The following C4orf50 variants were observed in gnomAD, a reference collection of about 807,000 sequenced individuals.
C4orf50 encodes the protein chromosome 4 open reading frame 50.
A neutral mutation model predicts 77.2 loss-of-function variants in C4orf50; 80 were observed. The observed-to-expected ratio is 1.04, with a 90% CI of 0.87 to 1.25. C4orf50 has a LOEUF of 1.25. C4orf50 is among the 50% of genes most tolerant of loss of function. C4orf50 has a pLI of 0.00. For synonymous variants in C4orf50, 532 were observed against 465.3 expected, an observed-to-expected ratio of 1.14 and a Z score of -1.84; for missense variants, 1,257 against 1,152.9, an observed-to-expected ratio of 1.09 and a Z score of -1.31.
At chr4:5,914,358 C>G (rs552521889) in intron 7 of C4orf50, among the ~76,000 whole-genome samples, 20 of 152,036 alleles carry the variant, frequency 1.3e-4, no homozygotes, top group Admixed American at 2.0e-4. Flanking sequence ...GCGCCTGCCA[C>G]CATGCCCAGC....
In C4orf50 at chr4:5,919,124, C is replaced by T. The variant is rs745590681; in HGVS notation, c.*2475-20936G>A. On this transcript the variant is annotated intron_variant, in intron 7 of 7. Transcript: ENST00000324058. The surrounding 1 kb of genome is among the most constrained non-coding windows in gnomAD (Gnocchi z 6.5). ...TCCCAGGTGGGACATTGCTAGTGAG[C>T]GGTAGCGGGGAATGCTGGGGTGTGG... Among the ~76,000 whole-genome samples the T allele has an allele frequency of 5.3e-5, 8 of 152,158 alleles. No individual in the cohort carries two copies. The highest frequency in any genetic ancestry group is 1.9e-4 in the East Asian group (1 of 5,190).
exon 28 of C4orf50, chr4:5,989,880 C>G: frequency 6.9e-7 from 1 of 1,441,300 alleles, no homozygotes; most frequent in African/African-American, 1.4e-5. Context: ...GCCCTTTGTC[C>G]TCCAGGCTTC....
chr4:5,989,773 TC>T lies in C4orf50; in HGVS notation c.2272del (p.Glu758LysfsTer35). The T allele has an allele frequency of 1.3e-6, 2 of 1,527,220 alleles. No homozygotes were observed. The highest frequency in any genetic ancestry group is 1.8e-6 in the Non-Finnish European group (2 of 1,140,470). The allele number at this position is 1,527,220 out of a possible 1,614,324, so 94.6% of individuals were successfully genotyped here. ...TGTCTCTCCTGCAAAGAAAAGCATT[TC>T]CTTGCTCTCATGTTCCTGGGAGTCA... On this transcript the variant is annotated frameshift_variant, in exon 28 of 34. Coordinates refer to ENST00000531445, the Ensembl canonical transcript of C4orf50. LOFTEE classifies it high-confidence loss of function.
intron 32 of C4orf50, 32 bp from the exon 11 acceptor site, chr4:5,965,177 C>G (rs375343909): frequency 6.2e-7 from 1 of 1,605,114 alleles, no homozygotes; most frequent in South Asian, 1.1e-5. Flanking sequence ...CAAGCCTCCA[C>G]CCAGGAACCT....
intron 7 of C4orf50, among the ~76,000 whole-genome samples, chr4:5,939,649 G>A (rs905336196): frequency 2.6e-5 from 4 of 152,158 alleles, no homozygotes; most frequent in African/African-American, 4.8e-5. Flanking sequence ...TGTGGCAAAC[G>A]TCTGGAGGAG....
intron 28 of C4orf50, among the ~76,000 whole-genome samples, chr4:5,982,109 G>A (rs764245070): frequency 7.2e-5 from 11 of 152,258 alleles, no homozygotes; most frequent in Admixed American, 2.0e-4. Flanking sequence ...GGGCTGGGCC[G>A]TGTTAAGAAC....
chr4:5,985,333 T>C (rs1720801870), intron 28 of C4orf50, among the ~76,000 whole-genome samples: 1 of 152,038 alleles, frequency 6.6e-6, no homozygotes, highest in Non-Finnish European at 1.5e-5. Context: ...AAATATATGA[T>C]TGTTTAAAAT....
At chr4:5,990,013 G>T in exon 28 of C4orf50, 1 of 1,392,760 alleles carries the variant, frequency 7.2e-7, no homozygotes, top group Non-Finnish European at 9.3e-7. Context: ...TGGCTCTTTG[G>T]TCTCATGAGC....
At chr4:5,964,385 G>C (rs1397620695) in intron 33 of C4orf50, among the ~76,000 whole-genome samples, 5 of 152,158 alleles carry the variant, frequency 3.3e-5, no homozygotes, top group African/African-American at 1.2e-4. Context: ...GCCCTGAGCA[G>C]AACAAAGGAA....
chr4:5,968,411 C>T (rs183987960), intron 31 of C4orf50, among the ~76,000 whole-genome samples: 3 of 152,278 alleles, frequency 2.0e-5, no homozygotes, highest in East Asian at 1.9e-4. Flanking sequence ...ATGGCTCAGC[C>T]GTCTTCTGGT....
Position 6,008,935 on chromosome 4 carries a change from C to G in C4orf50, c.427-403G>C, listed in dbSNP as rs1380628289. On this transcript the variant is annotated intron_variant, in intron 24 of 33. Coordinates refer to ENST00000531445, the Ensembl canonical transcript of C4orf50. This position sits in a 1 kb window ranked among gnomAD's most constrained non-coding sequence, Gnocchi z 6.0. The stretch of plus-strand genomic sequence containing the variant: ...AGGTGTCCCCACTTCCACCACAGAA[C>G]TGCCCAGAGATCCCCACTTCCTACC... Among the ~76,000 whole-genome samples the G allele has an allele frequency of 6.6e-6, 1 of 152,202 alleles. No homozygotes were observed. Among genetic ancestry groups the G allele is most frequent in the Non-Finnish European group, 1.5e-5 (1 of 68,034 alleles).
chr4:6,015,697 C>G lies in C4orf50; in HGVS notation c.287+2448G>C, dbSNP rs1722658008. Among the ~76,000 whole-genome samples the G allele has an allele frequency of 6.6e-6, 1 of 152,082 alleles. No individual in the cohort carries two copies. Among genetic ancestry groups the G allele is most frequent in the Non-Finnish European group, 1.5e-5 (1 of 68,020 alleles). ...TGAGCTAGTCGAGCTGTCAGTGGAG[C>G]CAAGCCCTCTCCGAGGCTGAAGGGG... On this transcript the variant is annotated intron_variant, in intron 23 of 33. Coordinates refer to ENST00000531445, the Ensembl canonical transcript of C4orf50. The surrounding 1 kb of genome is among the most constrained non-coding windows in gnomAD (Gnocchi z 4.4).
At chr4:5,997,372 C>T (rs1041459621) in intron 25 of C4orf50, among the ~76,000 whole-genome samples, 4 of 152,154 alleles carry the variant, frequency 2.6e-5, no homozygotes, top group Non-Finnish European at 5.9e-5. Context: ...TGACATCCAG[C>T]GGACACAACC....
chr4:5,939,798 C>T (rs115664666), intron 7 of C4orf50, among the ~76,000 whole-genome samples: 3,498 of 152,286 alleles, frequency 0.023, 50 homozygotes, highest in South Asian at 0.034. Context: ...AGCAGGAGAG[C>T]AGCACTGACT....
At position 5,992,732 on chromosome 4, in the gene C4orf50, T is replaced by G. The variant is rs1208182125; in HGVS notation, c.1221+71A>C. ...CTCCCACATCCTGCGTGTGGCCACA[T>G]AGCCTGCATGAGGCAGGGCTGAGGG... On this transcript the variant is annotated intron_variant, in intron 27 of 33. Transcript: ENST00000531445. This position sits in a 1 kb window ranked among gnomAD's most constrained non-coding sequence, Gnocchi z 5.0. 1 of 396,784 alleles carries G rather than the reference T, an allele frequency of 2.5e-6. No individual in the cohort carries two copies. Among genetic ancestry groups the G allele is most frequent in the African/African-American group, 2.1e-5 (1 of 48,508 alleles). 24.6% of individuals were successfully genotyped at this position (396,784 alleles called of 1,614,324 possible). A position where few individuals can be genotyped will look rare whatever the true frequency, so the allele number is the denominator to read the frequency against.
chr4:5,985,322 A>C (rs1326208487), intron 28 of C4orf50, among the ~76,000 whole-genome samples: 1 of 152,146 alleles, frequency 6.6e-6, no homozygotes. Context: ...GGGTAAATGA[A>C]AAATATATGA....
intron 7 of C4orf50, among the ~76,000 whole-genome samples, chr4:5,915,111 C>A (rs6828852): frequency 1.3e-4 from 20 of 152,242 alleles, no homozygotes; most frequent in Admixed American, 6.5e-4. Context: ...CTCCTAACGA[C>A]CCTCCAGGGA....
intron 29 of C4orf50, among the ~76,000 whole-genome samples, chr4:5,979,574 G>A (rs115219283): frequency 0.026 from 3,937 of 152,322 alleles, 159 homozygotes; most frequent in African/African-American, 0.089. Context: ...TATTTTAGAT[G>A]ATTAAGATTT....
intron 30 of C4orf50, 70 bp downstream of exon 8, chr4:5,975,828 TA>T: frequency 8.0e-7 from 1 of 1,249,924 alleles, no homozygotes; most frequent in Non-Finnish European, 1.2e-6. Context: ...ATTACATGTC[TA>T]ACAGGAAAAC....
Sources: allele counts gnomAD v4.1 joint callset (sites outside exome capture counted in the v4.1 genomes callset), GRCh38; gene constraint gnomAD v4.1.1; non-coding constraint Gnocchi (gnomAD v3.1); transcripts MANE v1.5; gene names NCBI Gene and HGNC (gene_info 2026-07-23, HGNC 2026-07-21).